The following PTH1R variants were observed in gnomAD, a reference collection of about 807,000 sequenced individuals.
PTH1R encodes parathyroid hormone/parathyroid hormone-related peptide receptor.
In PTH1R, 32 loss-of-function variants were observed where a neutral mutation model predicts 70.7. That is an observed-to-expected ratio of 0.45 (90% CI 0.34 to 0.61). The LOEUF is 0.61. Among genes scored for constraint, PTH1R ranks in the 20% least tolerant of loss-of-function variants. PTH1R has a pLI of 0.01. For synonymous variants in PTH1R, 329 were observed against 324.8 expected (o/e 1.01, Z -0.14); for missense variants, 626 against 792.5 (o/e 0.79, Z 2.52).
At position 46,903,590 on chromosome 3, in the gene PTH1R, C is replaced by G. The variant is rs200062157; in HGVS notation, c.1716C>G (p.Asp572Glu). The G allele has an allele frequency of 4.3e-6, 7 of 1,613,460 alleles. No individual in the cohort carries two copies. The highest frequency in any genetic ancestry group is 4.0e-5 in the African/African-American group (3 of 74,894). ...GFLNGSCSGLDEEASGPERPP... is the reference protein window; with the variant it reads ...GFLNGSCSGLEEEASGPERPP... The stretch of plus-strand genomic sequence containing the variant: ...TCAACGGCTCCTGCTCAGGCCTGGA[C>G]GAGGAGGCCTCTGGGCCTGAGCGGC... The change falls in exon 16 of 16, where the codon GAC (aspartate) becomes GAG (glutamate). Residue 572 changes from aspartate to glutamate, a missense_variant. By Grantham distance (45) the Asp-to-Glu change is conservative. This residue lies in a region of PTH1R where 495 missense variants were observed against 638.7 expected (regional missense o/e 0.77). Transcript: ENST00000449590. The surrounding 1 kb of genome is among the most constrained non-coding windows in gnomAD (Gnocchi z 4.4).
In PTH1R at chr3:46,901,925, C is replaced by T; in HGVS notation, c.1211+65C>T. 6.8e-7 allele frequency: 1 copy of T among 1,460,952 alleles called. No homozygotes were observed. The highest frequency in any genetic ancestry group is 9.6e-7 in the Non-Finnish European group (1 of 1,044,450). 90.5% of individuals were successfully genotyped at this position (1,460,952 alleles called of 1,614,324 possible). ...GTCCCTGAGTCCTGGTACCATGTAC[C>T]CCAGGAAAGACAGTGGCCCCATGAA... On this transcript the variant is annotated intron_variant, in intron 13 of 15. Coordinates refer to ENST00000449590, the MANE Select transcript of PTH1R (RefSeq NM_000316.3). This position sits in a 1 kb window ranked among gnomAD's most constrained non-coding sequence, Gnocchi z 7.3.
Position 46,903,798 on chromosome 3 carries a change from A to C in PTH1R, c.*142A>C. On this transcript the variant is annotated 3_prime_UTR_variant, in exon 16 of 16. Coordinates refer to ENST00000449590, the MANE Select transcript of PTH1R (RefSeq NM_000316.3). This position sits in a 1 kb window ranked among gnomAD's most constrained non-coding sequence, Gnocchi z 4.4. ...GAAAAAAAAAAGAAAAAGGAAAAGG[A>C]AGCGGTGTGTGGCTTCCTGTGGCCC... 15 of 1,369,888 alleles carry C rather than the reference A, an allele frequency of 1.1e-5. No individual in the cohort carries two copies. The highest frequency in any genetic ancestry group is 1.3e-5 in the Non-Finnish European group (13 of 1,020,592). The allele number at this position is 1,369,888 out of a possible 1,614,324, so 84.9% of individuals were successfully genotyped here.
rs1369861347 is a variant in PTH1R at position 46,883,043 on chromosome 3, C to T, written c.-48-469C>T. On this transcript the variant is annotated intron_variant, in intron 2 of 15. Transcript: ENST00000449590. The surrounding 1 kb of genome is among the most constrained non-coding windows in gnomAD (Gnocchi z 6.4). ...CCGAAAGTCGCGGAGCTAAAAATAA[C>T]AGTCCTGCGCGCCCCCCGCAGACCG... 1.3e-5 allele frequency among the ~76,000 whole-genome samples: 2 copies of T among 151,762 alleles called. No homozygotes were observed. The highest frequency in any genetic ancestry group is 2.9e-5 in the Non-Finnish European group (2 of 67,848).
chr3:46,901,071 C>T lies in PTH1R; in HGVS notation c.1035C>T (p.Thr345=). The change falls in exon 11 of 16, where the codon ACC becomes ACT. Residue 345 remains threonine, a synonymous_variant. Coordinates refer to ENST00000449590, the MANE Select transcript of PTH1R (RefSeq NM_000316.3). The surrounding 1 kb of genome is among the most constrained non-coding windows in gnomAD (Gnocchi z 7.3). ...FVAVWVSVRA[T]LANTGCWDLS... ...CTGTGTGGGTCAGTGTCAGAGCTAC[C>T]CTGGCCAACACCGGGTAGGTCCAGG... 1 of 1,580,578 alleles carries T rather than the reference C, an allele frequency of 6.3e-7. No individual in the cohort carries two copies. Among genetic ancestry groups the T allele is most frequent in the Non-Finnish European group, 8.6e-7 (1 of 1,162,060 alleles).
At position 46,903,729 on chromosome 3, in the gene PTH1R, T is replaced by G. The variant is rs1008840291; in HGVS notation, c.*73T>G. ...ACCAAAAGATGGGTGGTTGAATGAT[T>G]TCCCACTCAGGGCTGGGGCCAAGAG... On this transcript the variant is annotated 3_prime_UTR_variant, in exon 16 of 16. Coordinates refer to ENST00000449590, the MANE Select transcript of PTH1R (RefSeq NM_000316.3). The surrounding 1 kb of genome is among the most constrained non-coding windows in gnomAD (Gnocchi z 4.4). The G allele has an allele frequency of 6.3e-7, 1 of 1,594,458 alleles. No individual in the cohort carries two copies. Among genetic ancestry groups the G allele is most frequent in the African/African-American group, 1.3e-5 (1 of 74,674 alleles).
Position 46,883,693 on chromosome 3 carries a change from G to A in PTH1R, c.75+59G>A, listed in dbSNP as rs931215495. 6.5e-7 allele frequency: 1 copy of A among 1,537,942 alleles called. No homozygotes were observed. Among genetic ancestry groups the A allele is most frequent in the Non-Finnish European group, 8.8e-7 (1 of 1,142,028 alleles). On this transcript the variant is annotated intron_variant, in intron 3 of 15. Coordinates refer to ENST00000449590, the MANE Select transcript of PTH1R (RefSeq NM_000316.3). The surrounding 1 kb of genome is among the most constrained non-coding windows in gnomAD (Gnocchi z 6.4). ...CTGCGGGCTTACCCTAGGGTCCGCG[G>A]GATAGGTCTAAGGCACGCAGTCTTG...
At chr3:46,889,189 C>G (rs1222711750) in intron 3 of PTH1R, among the ~76,000 whole-genome samples, 4 of 152,226 alleles carry the variant, frequency 2.6e-5, no homozygotes, top group African/African-American at 9.7e-5. Context: ...CTCCTTCTGG[C>G]TGTGCTGGAG....
Position 46,898,829 on chromosome 3 carries a change from C to G in PTH1R, c.806C>G (p.Pro269Arg). The G allele has an allele frequency of 2.6e-6, 4 of 1,560,228 alleles. No homozygotes were observed. Among genetic ancestry groups the G allele is most frequent in the South Asian group, 2.3e-5 (2 of 87,602 alleles). The change falls in exon 9 of 16, where the codon CCG (proline) becomes CGG (arginine). Residue 269 changes from proline (P) to arginine (R), a missense_variant. This residue lies in a region of PTH1R where 495 missense variants were observed against 638.7 expected (regional missense o/e 0.77). Coordinates refer to ENST00000449590, the MANE Select transcript of PTH1R (RefSeq NM_000316.3). The part of the protein sequence containing the change: ...EELRAIAQAP[P>R]PPATAAAGYA... ...CTGCGCGCCATCGCCCAGGCGCCCC[C>G]GCCGCCTGCCACCGCCGCTGCCGGC...
At position 46,902,115 on chromosome 3, in the gene PTH1R, T is replaced by C. The variant is rs1428185112; in HGVS notation, c.1211+255T>C. Among the ~76,000 whole-genome samples, 1 of 152,182 alleles carries C rather than the reference T, an allele frequency of 6.6e-6. No individual in the cohort carries two copies. Among genetic ancestry groups the C allele is most frequent in the Non-Finnish European group, 1.5e-5 (1 of 68,028 alleles). On this transcript the variant is annotated intron_variant, in intron 13 of 15. Transcript: ENST00000449590. The surrounding 1 kb of genome is among the most constrained non-coding windows in gnomAD (Gnocchi z 5.4). ...GGAGTCTGTGAGTGTGCAACGAACTTGAACCTCTCCTCAAAGAGTTGGTTG... is the reference window on the plus strand; with the variant it reads ...GGAGTCTGTGAGTGTGCAACGAACTCGAACCTCTCCTCAAAGAGTTGGTTG...
intron 5 of PTH1R, 117 bp from the exon 6 acceptor site, chr3:46,897,738 A>G: frequency 2.0e-6 from 2 of 1,002,988 alleles, no homozygotes; most frequent in South Asian, 2.7e-5. Flanking sequence ...TCTCAAAAAA[A>G]CAAAACAAAA....
Position 46,898,866 on chromosome 3 carries a change from C to G in PTH1R, c.834+9C>G. The G allele has an allele frequency of 6.6e-7, 1 of 1,512,142 alleles. No homozygotes were observed. Among genetic ancestry groups the G allele is most frequent in the Non-Finnish European group, 8.8e-7 (1 of 1,130,506 alleles). 93.7% of individuals were successfully genotyped at this position (1,512,142 alleles called of 1,614,324 possible). On this transcript the variant is annotated intron_variant, in intron 9 of 15. Transcript: ENST00000449590. Reference sequence around the variant, plus strand: ...CCGCCGCTGCCGGCTACGTGAGTACCCCTCTGCCCGCCCGCTCCCGGTGCC... The same window carrying G: ...CCGCCGCTGCCGGCTACGTGAGTACGCCTCTGCCCGCCCGCTCCCGGTGCC...
rs755077333 is a variant in PTH1R, at chr3:46,898,618, G to A, written c.639-44G>A. Reference sequence around the variant, plus strand: ...ACCCAGCTTCCTGTCCACCCACCGCGCGTCCCCGTGCCCCCACCCACGGTC... The same window carrying A: ...ACCCAGCTTCCTGTCCACCCACCGCACGTCCCCGTGCCCCCACCCACGGTC... On this transcript the variant is annotated intron_variant, in intron 8 of 15. Transcript: ENST00000449590. 7 of 1,607,808 alleles carry A rather than the reference G, an allele frequency of 4.4e-6. No individual in the cohort carries two copies. The African/African-American group carries it at 5.3e-5, about 12-fold the overall frequency.
At position 46,895,900 on chromosome 3, in the gene PTH1R, C is replaced by G. The variant is rs758916282; in HGVS notation, c.313+31C>G. On this transcript the variant is annotated intron_variant, in intron 5 of 15. Coordinates refer to ENST00000449590, the MANE Select transcript of PTH1R (RefSeq NM_000316.3). ...TCTCTGCTTCCATGCATCCAGCTGG[C>G]ATGGGCTTGGATCCACCCACCCCCA... 4.4e-6 allele frequency: 7 copies of G among 1,607,780 alleles called. No homozygotes were observed. In the South Asian group the frequency reaches 7.8e-5, roughly 18 times the overall value.
chr3:46,889,127 G>T (rs2031230503), intron 3 of PTH1R, among the ~76,000 whole-genome samples: 1 of 152,186 alleles, frequency 6.6e-6, no homozygotes, highest in Non-Finnish European at 1.5e-5. Context: ...CTGGAGGAGG[G>T]CTGTAGGAAG....
In PTH1R at chr3:46,902,414, G is replaced by T; in HGVS notation, c.1212-112G>T. 2 of 1,429,890 alleles carry T rather than the reference G, an allele frequency of 1.4e-6. No homozygotes were observed. 88.6% of individuals were successfully genotyped at this position (1,429,890 alleles called of 1,614,324 possible). A position where few individuals can be genotyped will look rare whatever the true frequency, so the allele number is the denominator to read the frequency against. On this transcript the variant is annotated intron_variant, in intron 13 of 15. Transcript: ENST00000449590. The surrounding 1 kb of genome is among the most constrained non-coding windows in gnomAD (Gnocchi z 5.4). ...GGGTTGTCCTCCCATGGTGACTGGA[G>T]CCCTGGGCCCCTTTGAGCTTCCGGA...
Position 46,903,004 on chromosome 3 carries a change from G to A in PTH1R, c.1395+214G>A. 1.0e-6 allele frequency: 1 copy of A among 956,576 alleles called. No individual in the cohort carries two copies. Among genetic ancestry groups the A allele is most frequent in the Non-Finnish European group, 1.6e-6 (1 of 617,542 alleles). The allele number at this position is 956,576 out of a possible 1,614,324, so 59.3% of individuals were successfully genotyped here. ...TCTTCAGTCACTGGCATAGCCAAGT[G>A]TCTTCCCAGCCCCATGGTTCAATTA... On this transcript the variant is annotated intron_variant, in intron 15 of 15. Coordinates refer to ENST00000449590, the MANE Select transcript of PTH1R (RefSeq NM_000316.3). The surrounding 1 kb of genome is among the most constrained non-coding windows in gnomAD (Gnocchi z 4.4).
intron 3 of PTH1R, among the ~76,000 whole-genome samples, chr3:46,887,837 T>C (rs2031135284): frequency 6.6e-6 from 1 of 152,224 alleles, no homozygotes; most frequent in Admixed American, 6.5e-5. Flanking sequence ...TCCATAGGAA[T>C]GTACATTTAG....
Position 46,902,189 on chromosome 3 carries a change from C to A in PTH1R, c.1211+329C>A, listed in dbSNP as rs1323072677. 6.6e-6 allele frequency among the ~76,000 whole-genome samples: 1 copy of A among 152,224 alleles called. No homozygotes were observed. The highest frequency in any genetic ancestry group is 6.5e-5 in the Admixed American group (1 of 15,286). ...GCGGTGAGTGGCCCCGGGAAGGCTG[C>A]AGCTCAGCTGAAACCTGAGGAGCGG... On this transcript the variant is annotated intron_variant, in intron 13 of 15. Coordinates refer to ENST00000449590, the MANE Select transcript of PTH1R (RefSeq NM_000316.3). This position sits in a 1 kb window ranked among gnomAD's most constrained non-coding sequence, Gnocchi z 5.4.
Position 46,895,736 on chromosome 3 carries a change from C to G in PTH1R, c.180C>G (p.Ala60=). The G allele has an allele frequency of 6.2e-7, 1 of 1,614,132 alleles. No homozygotes were observed. The highest frequency in any genetic ancestry group is 8.5e-7 in the Non-Finnish European group (1 of 1,180,016). The change falls in exon 5 of 16, where the codon GCC becomes GCG. Residue 60 remains alanine (A), a splice_region_variant and synonymous_variant. Coordinates refer to ENST00000449590, the MANE Select transcript of PTH1R (RefSeq NM_000316.3). ...KRLKEVLQRP[A]SIMESDKGWT... is the part of the protein sequence containing the mutation. ...TCATTACCACCCTGGTTTCTCCAGC[C>G]AGCATAATGGAATCAGACAAGGGAT...
Sources: gnomAD v4.1 joint callset for allele counts (sites outside exome capture counted in the v4.1 genomes callset) on GRCh38, gnomAD v4.1.1 for gene constraint, gnomAD v4.1.1 regional missense constraint, Gnocchi (gnomAD v3.1) non-coding constraint, MANE v1.5 for transcripts, NCBI Gene and HGNC (gene_info 2026-07-23, HGNC 2026-07-21) for gene names.